MTOR: variants seen among roughly 807,000 people sequenced by gnomAD.
MTOR encodes the protein mechanistic target of rapamycin kinase, also known as serine/threonine-protein kinase mTOR.
Under a neutral mutation model 319.8 loss-of-function variants are expected in MTOR, and 70 were observed. The observed-to-expected ratio is 0.22, with a 90% CI of 0.18 to 0.27. MTOR has a LOEUF of 0.27. Among genes scored for constraint, MTOR ranks in the 10% least tolerant of loss-of-function variants. MTOR has a pLI of 1.00. For synonymous variants in MTOR, 1,183 were observed against 1,211.4 expected (o/e 0.98, Z 0.49); for missense variants, 1,890 against 3,274.4 (o/e 0.58, Z 10.32).
intron 5 of MTOR, 60 bp from the exon 6 acceptor site, chr1:11,254,033 G>C: frequency 5.0e-6 from 8 of 1,608,124 alleles, no homozygotes; most frequent in Non-Finnish European, 6.8e-6. Context: ...AAAGAATACA[G>C]GCCCATCCCA....
chr1:11,163,843 A>T (rs1425728107), intron 29 of MTOR, among the ~76,000 whole-genome samples: 1 of 152,226 alleles, frequency 6.6e-6, no homozygotes, highest in African/African-American at 2.4e-5. Context: ...AAAGATCTAA[A>T]ATTGACACCC....
chr1:11,107,015 G>A lies in MTOR; in HGVS notation c.*470C>T. The A allele has an allele frequency of 1.5e-6, 2 of 1,371,050 alleles. No individual in the cohort carries two copies. Among genetic ancestry groups the A allele is most frequent in the Non-Finnish European group, 1.9e-6 (2 of 1,039,038 alleles). The allele number at this position is 1,371,050 out of a possible 1,614,324, so 84.9% of individuals were successfully genotyped here. A position where few individuals can be genotyped will look rare whatever the true frequency, so the allele number is the denominator to read the frequency against. ...AGGTCTTGGGATAGGTGGCAGGGGTGAGGTCAGCATCTTCTGTGTCTTTAC... is the reference window on the plus strand; with the variant it reads ...AGGTCTTGGGATAGGTGGCAGGGGTAAGGTCAGCATCTTCTGTGTCTTTAC... On this transcript the variant is annotated 3_prime_UTR_variant, in exon 58 of 58. Coordinates refer to ENST00000361445, the MANE Select transcript of MTOR (RefSeq NM_004958.4).
At chr1:11,209,859 C>G (rs1365341120) in intron 24 of MTOR, among the ~76,000 whole-genome samples, 1 of 152,066 alleles carries the variant, frequency 6.6e-6, no homozygotes, top group African/African-American at 2.4e-5. Flanking sequence ...CCTATCTAAT[C>G]GAACCTATTT....
In MTOR at chr1:11,146,795, T is replaced by C. The variant is rs2100519972; in HGVS notation, c.4571-4A>G. On this transcript the variant is annotated splice_region_variant and splice_polypyrimidine_tract_variant and intron_variant, in intron 31 of 57. Transcript: ENST00000361445. Reference sequence around the variant, plus strand: ...TCTTCCATGCTGTCCCACTGACCTATACACACACACATAGACAGAAAGCAT... The same window carrying C: ...TCTTCCATGCTGTCCCACTGACCTACACACACACACATAGACAGAAAGCAT... 6.2e-7 allele frequency: 1 copy of C among 1,606,014 alleles called. No homozygotes were observed. Among genetic ancestry groups the C allele is most frequent in the East Asian group, 2.2e-5 (1 of 44,842 alleles).
At chr1:11,167,321 A>T (rs1435861205) in intron 29 of MTOR, 121 bp downstream of exon 29, 11 of 738,442 alleles carry the variant, frequency 1.5e-5, no homozygotes, top group Non-Finnish European at 2.4e-5. Flanking sequence ...GTAAGTCAGC[A>T]TCAGACTGTT....
At chr1:11,259,469 T>A (rs1053849802) in intron 1 of MTOR, 46 bp from the exon 2 acceptor site, 12 of 1,496,946 alleles carry the variant, frequency 8.0e-6, no homozygotes, top group Non-Finnish European at 9.8e-6. Context: ...GAAAGTATGA[T>A]GATAAATTTA....
intron 30 of MTOR, among the ~76,000 whole-genome samples, chr1:11,155,978 T>G (rs1299841444): frequency 6.6e-6 from 1 of 152,138 alleles, no homozygotes; most frequent in Non-Finnish European, 1.5e-5. Context: ...TTTTAGTCAT[T>G]TATTTTTTAT....
chr1:11,218,655 T>C, intron 19 of MTOR, among the ~76,000 whole-genome samples: 1 of 152,060 alleles, frequency 6.6e-6, no homozygotes, highest in East Asian at 1.9e-4. Flanking sequence ...TTAGGGAGCA[T>C]TTCCGTGGCT....
chr1:11,112,825 T>C, intron 54 of MTOR, 27 bp downstream of exon 54: 1 of 1,613,444 alleles, frequency 6.2e-7, no homozygotes, highest in Non-Finnish European at 8.5e-7. Context: ...GGGGAGAGCC[T>C]TTGCGACCTC....
At chr1:11,108,082 G>C (rs760054593) in intron 57 of MTOR, 99 bp downstream of exon 57, 15 of 883,916 alleles carry the variant, frequency 1.7e-5, no homozygotes, top group Non-Finnish European at 2.4e-5. Flanking sequence ...GCCCTTTACA[G>C]ATACCTCACC....
chr1:11,134,955 T>C (rs1430707763), intron 36 of MTOR, among the ~76,000 whole-genome samples: 1 of 152,214 alleles, frequency 6.6e-6, no homozygotes, highest in African/African-American at 2.4e-5. Context: ...AACACAGATT[T>C]GGAGTGAAAA....
chr1:11,113,621 A>AT (rs1156999398), intron 53 of MTOR, among the ~76,000 whole-genome samples: 2 of 151,310 alleles, frequency 1.3e-5, no homozygotes, highest in Admixed American at 1.3e-4. Context: ...TTATTTTTTT[A>AT]TTTTTTTGAG....
intron 28 of MTOR, chr1:11,194,867 C>T (rs1482027659): frequency 6.2e-7 from 1 of 1,613,976 alleles, no homozygotes; most frequent in African/African-American, 1.3e-5. Context: ...GCTACTGGTA[C>T]AACTGCTGCA....
At position 11,258,469 on chromosome 1, in the gene MTOR, G is replaced by A. The variant is rs1375560126; in HGVS notation, c.271+16C>T. The A allele has an allele frequency of 6.3e-7, 1 of 1,580,124 alleles. No homozygotes were observed. Among genetic ancestry groups the A allele is most frequent in the African/African-American group, 1.3e-5 (1 of 74,138 alleles). On this transcript the variant is annotated intron_variant, in intron 3 of 57. Transcript: ENST00000361445. ...GGTGAGTGTGTTGTTTTTGTGACCAGAGACTCTGTCCTTACCTATGGCCAA... is the reference window on the plus strand; with the variant it reads ...GGTGAGTGTGTTGTTTTTGTGACCAAAGACTCTGTCCTTACCTATGGCCAA...
intron 39 of MTOR, 100 bp downstream of exon 39, chr1:11,130,429 C>G (rs2100427652): frequency 6.5e-7 from 1 of 1,531,520 alleles, no homozygotes; most frequent in Admixed American, 2.0e-5. Flanking sequence ...TCTGGCACTT[C>G]AGATACAGCC....
intron 26 of MTOR, among the ~76,000 whole-genome samples, chr1:11,200,070 A>G (rs1485874213): frequency 1.3e-5 from 2 of 152,226 alleles, no homozygotes; most frequent in African/African-American, 4.8e-5. Flanking sequence ...TCTCCAAAGG[A>G]ATATTTCTTG....
intron 28 of MTOR, chr1:11,190,066 T>C: frequency 5.3e-6 from 7 of 1,318,428 alleles, no homozygotes; most frequent in Non-Finnish European, 7.2e-6. Context: ...GTGGGTACAC[T>C]TTCCCTTTAG....
chr1:11,231,263 CAA>C, intron 17 of MTOR, 35 bp downstream of exon 17: 1 of 1,612,760 alleles, frequency 6.2e-7, no homozygotes, highest in Non-Finnish European at 8.5e-7. Flanking sequence ...ATCGTCCCAG[CAA>C]AGTCTTTAAA....
intron 56 of MTOR, 128 bp from the exon 57 acceptor site, chr1:11,108,414 G>C: frequency 1.3e-6 from 1 of 779,098 alleles, no homozygotes; most frequent in African/African-American, 1.7e-5. Context: ...TACCATCATA[G>C]TTGGATTTGA....
Sources: gnomAD v4.1 joint callset for allele counts (sites outside exome capture counted in the v4.1 genomes callset) on GRCh38, gnomAD v4.1.1 for gene constraint, MANE v1.5 for transcripts, NCBI Gene and HGNC (gene_info 2026-07-23, HGNC 2026-07-21) for gene names.